CACNB4: variants seen among roughly 807,000 people sequenced by gnomAD.
CACNB4 encodes the protein calcium voltage-gated channel auxiliary subunit beta 4.
Under a neutral mutation model 71.2 loss-of-function variants are expected in CACNB4, and 32 were observed. That is an observed-to-expected ratio of 0.45 (90% CI 0.34 to 0.60). CACNB4 has a LOEUF of 0.60. Ranked by LOEUF, CACNB4 falls within the 20% of genes least tolerant of loss-of-function variation. The pLI is 0.01. For synonymous variants in CACNB4, 231 were observed against 236.9 expected (o/e 0.97, Z 0.23); for missense variants, 464 against 647.9 (o/e 0.72, Z 3.08).
intron 2 of CACNB4, among the ~76,000 whole-genome samples, chr2:151,886,930 C>T (rs1390079499): frequency 6.6e-6 from 1 of 152,082 alleles, no homozygotes; most frequent in South Asian, 2.1e-4. Flanking sequence ...GAGGGAAGAG[C>T]AAGTGAGCTA....
chr2:152,018,146 A>T (rs908378666), intron 2 of CACNB4, among the ~76,000 whole-genome samples: 1 of 152,108 alleles, frequency 6.6e-6, no homozygotes, highest in Non-Finnish European at 1.5e-5. Context: ...TTTACACACA[A>T]TTCTAAGAAG....
chr2:151,890,806 A>G (rs905231968), intron 2 of CACNB4, among the ~76,000 whole-genome samples: 14 of 152,222 alleles, frequency 9.2e-5, no homozygotes, highest in Admixed American at 9.2e-4. Context: ...CTGCATTCAC[A>G]TGGTATCTGT....
At chr2:152,080,255 G>A (rs568834269) in intron 2 of CACNB4, among the ~76,000 whole-genome samples, 2 of 152,014 alleles carry the variant, frequency 1.3e-5, no homozygotes, top group South Asian at 4.2e-4. Context: ...CTGACTAGCT[G>A]GGATTACAGG....
intron 2 of CACNB4, among the ~76,000 whole-genome samples, chr2:151,918,972 T>G (rs2099858236): frequency 6.6e-6 from 1 of 152,228 alleles, no homozygotes; most frequent in South Asian, 2.1e-4. Context: ...GTAGGAGGGC[T>G]GAATGAATCC....
chr2:151,841,090 A>G (rs2099836096), intron 13 of CACNB4, among the ~76,000 whole-genome samples: 1 of 152,220 alleles, frequency 6.6e-6, no homozygotes, highest in East Asian at 1.9e-4. Flanking sequence ...CACAGCCCCA[A>G]GAAAACTCAG....
intron 2 of CACNB4, among the ~76,000 whole-genome samples, chr2:151,996,166 G>T (rs1365232926): frequency 1.3e-5 from 2 of 152,146 alleles, no homozygotes; most frequent in Non-Finnish European, 2.9e-5. Flanking sequence ...AAATCCATTT[G>T]CTTACAGGCT....
chr2:151,957,599 G>C (rs1021897058), intron 2 of CACNB4, among the ~76,000 whole-genome samples: 1 of 152,106 alleles, frequency 6.6e-6, no homozygotes, highest in African/African-American at 2.4e-5. Flanking sequence ...ACAAACTCTC[G>C]AGCTGACCAA....
At chr2:152,095,385 C>T (rs1171263573) in intron 2 of CACNB4, among the ~76,000 whole-genome samples, 1 of 152,068 alleles carries the variant, frequency 6.6e-6, no homozygotes. Flanking sequence ...GGGTGAGTTG[C>T]CAACTGCCTT....
Position 151,895,188 on chromosome 2 carries a change from C to A in CACNB4, c.148-11818G>T, listed in dbSNP as rs573024384. ...AACAAAGCTGGAGGCATCACAAAAC[C>A]TGACCTTAAAATATACTACAAAGCT... On this transcript the variant is annotated intron_variant, in intron 2 of 13. Coordinates refer to ENST00000539935, the MANE Select transcript of CACNB4 (RefSeq NM_000726.5). 9.3e-5 allele frequency among the ~76,000 whole-genome samples: 14 copies of A among 150,566 alleles called. No homozygotes were observed. In the South Asian group the frequency reaches 2.9e-3, roughly 32 times the overall value.
chr2:152,069,191 C>T (rs1686523451), intron 2 of CACNB4, among the ~76,000 whole-genome samples: 1 of 152,292 alleles, frequency 6.6e-6, no homozygotes. Context: ...TATCACCAAT[C>T]ACTAATTGCT....
intron 9 of CACNB4, chr2:151,868,387 G>C (rs920596961): frequency 3.2e-4 from 49 of 151,994 alleles, no homozygotes; most frequent in African/African-American, 1.2e-3. Flanking sequence ...ATAAATCTCA[G>C]GTTTTTTCAT....
At chr2:151,985,985 C>G in intron 2 of CACNB4, among the ~76,000 whole-genome samples, 1 of 152,156 alleles carries the variant, frequency 6.6e-6, no homozygotes, top group East Asian at 1.9e-4. Flanking sequence ...CAAAGTCGTT[C>G]TATTAGGCAA....
At chr2:151,941,577 C>G (rs1463688784) in intron 2 of CACNB4, among the ~76,000 whole-genome samples, 1 of 151,536 alleles carries the variant, frequency 6.6e-6, no homozygotes, top group Non-Finnish European at 1.5e-5. Flanking sequence ...CCACCGTGCC[C>G]AACTTCGTCT....
In CACNB4 at chr2:151,833,975, A is replaced by T. The variant is rs1225869332; in HGVS notation, c.*5144T>A. The T allele has an allele frequency of 6.6e-6, 1 of 152,106 alleles. No individual in the cohort carries two copies. The highest frequency in any genetic ancestry group is 1.5e-5 in the Non-Finnish European group (1 of 67,940). The allele number at this position is 152,106 out of a possible 1,614,324, so 9.4% of individuals were successfully genotyped here. A position where few individuals can be genotyped will look rare whatever the true frequency, so the allele number is the denominator to read the frequency against. ...TAAGGCATATGAAAAATAGTATGCA[A>T]CGATATAGCGTTAATGATCCCGCCT... On this transcript the variant is annotated 3_prime_UTR_variant, in exon 14 of 14. Coordinates refer to ENST00000539935, the MANE Select transcript of CACNB4 (RefSeq NM_000726.5).
intron 2 of CACNB4, among the ~76,000 whole-genome samples, chr2:152,073,998 G>C (rs898394469): frequency 3.3e-5 from 5 of 152,160 alleles, no homozygotes; most frequent in African/African-American, 1.2e-4. Flanking sequence ...CAGGGTCAAA[G>C]GCTGAGAATC....
intron 2 of CACNB4, among the ~76,000 whole-genome samples, chr2:152,079,550 C>A (rs1429957627): frequency 6.6e-6 from 1 of 152,030 alleles, no homozygotes; most frequent in African/African-American, 2.4e-5. Context: ...CTTTAAGAGG[C>A]CAAGGCAGCG....
chr2:151,898,384 G>A (rs1024101634), intron 2 of CACNB4, among the ~76,000 whole-genome samples: 7 of 152,118 alleles, frequency 4.6e-5, no homozygotes, highest in African/African-American at 1.4e-4. Context: ...GAGCACTGTC[G>A]CAACCTCTGC....
intron 2 of CACNB4, among the ~76,000 whole-genome samples, chr2:151,932,786 C>A (rs939708823): frequency 1.4e-5 from 2 of 143,724 alleles, no homozygotes; most frequent in African/African-American, 5.3e-5. Context: ...GCTGAGATTG[C>A]ACCATTGCAC....
intron 2 of CACNB4, chr2:151,884,286 C>A (rs2099848735): frequency 6.9e-6 from 1 of 145,312 alleles, no homozygotes; most frequent in Non-Finnish European, 1.5e-5. Flanking sequence ...GATGACACAG[C>A]AAGACTCCAT....
Sources: gnomAD v4.1 joint callset for allele counts (sites outside exome capture counted in the v4.1 genomes callset) on GRCh38, gnomAD v4.1.1 for gene constraint, MANE v1.5 for transcripts, NCBI Gene and HGNC (gene_info 2026-07-23, HGNC 2026-07-21) for gene names.